BLTP1: variants seen among roughly 807,000 people sequenced by gnomAD.
The protein encoded by BLTP1 is bridge-like lipid transfer protein family member 1.
chr4:122,271,128 C>G, the BLTP1 span: 23 of 1,613,794 alleles, frequency 1.4e-5, no homozygotes, highest in South Asian at 2.3e-4. Context: ...CCTCAGAACT[C>G]TACCAGTGCC....
the BLTP1 span, among the ~76,000 whole-genome samples, chr4:122,240,795 C>T: frequency 6.6e-6 from 1 of 152,002 alleles, no homozygotes; most frequent in Non-Finnish European, 1.5e-5. Context: ...TGGGCATTTC[C>T]GTAATGTATT....
At chr4:122,213,736 G>T in the BLTP1 span, among the ~76,000 whole-genome samples, 3 of 151,904 alleles carry the variant, frequency 2.0e-5, no homozygotes, top group African/African-American at 7.3e-5. Context: ...AATTTATGAG[G>T]ACATGTATGG....
the BLTP1 span, among the ~76,000 whole-genome samples, chr4:122,318,588 T>C: frequency 2.6e-5 from 4 of 152,140 alleles, no homozygotes; most frequent in African/African-American, 9.7e-5. Flanking sequence ...CACTCTTCTT[T>C]TTAGTCTCTA....
the BLTP1 span, chr4:122,312,973 T>A: frequency 5.9e-6 from 4 of 676,240 alleles, no homozygotes; most frequent in Non-Finnish European, 7.3e-6. Flanking sequence ...AAAAGTTGTT[T>A]CAACTTTTAC....
At chr4:122,206,572 A>G in the BLTP1 span, among the ~76,000 whole-genome samples, 1 of 151,956 alleles carries the variant, frequency 6.6e-6, no homozygotes, top group Non-Finnish European at 1.5e-5. Flanking sequence ...AATATATAAT[A>G]CATGATAATA....
the BLTP1 span, chr4:122,336,953 T>C: frequency 1.9e-6 from 3 of 1,612,160 alleles, no homozygotes; most frequent in Non-Finnish European, 2.5e-6. Context: ...ACAACATCAC[T>C]AGTGTCGTCT....
chr4:122,354,052 G>T, the BLTP1 span: 3 of 1,588,490 alleles, frequency 1.9e-6, no homozygotes, highest in South Asian at 1.1e-5. Flanking sequence ...GATTTATTTT[G>T]TTTTTTCCAT....
chr4:122,154,740 C>T, the BLTP1 span, among the ~76,000 whole-genome samples: 4 of 151,938 alleles, frequency 2.6e-5, no homozygotes, highest in Admixed American at 6.6e-5. Flanking sequence ...GACGTGGTGG[C>T]GGGTGCCTGT....
At chr4:122,283,757 G>C in the BLTP1 span, among the ~76,000 whole-genome samples, 1 of 152,112 alleles carries the variant, frequency 6.6e-6, no homozygotes, top group African/African-American at 2.4e-5. Context: ...CGATCCGCCT[G>C]CCTTGGTCTC....
At chr4:122,189,835 G>T in the BLTP1 span, 1 of 927,340 alleles carries the variant, frequency 1.1e-6, no homozygotes, top group Non-Finnish European at 1.3e-6. Flanking sequence ...TAGGATGATT[G>T]TTCATTGGAA....
chr4:122,250,604 G>A, the BLTP1 span: 5 of 1,591,598 alleles, frequency 3.1e-6, no homozygotes, highest in African/African-American at 2.7e-5. Context: ...AATAATAATG[G>A]TGCTTTAGAA....
At chr4:122,217,349 T>C in the BLTP1 span, among the ~76,000 whole-genome samples, 2 of 152,126 alleles carry the variant, frequency 1.3e-5, no homozygotes. Flanking sequence ...TCTTTTTTGG[T>C]TCCATATGAA....
chr4:122,289,918 A>T, the BLTP1 span: 1 of 354,726 alleles, frequency 2.8e-6, no homozygotes, highest in Non-Finnish European at 3.9e-6. Context: ...CATAGGAAAA[A>T]CTACTGTAGT....
At chr4:122,240,511 T>A in the BLTP1 span, among the ~76,000 whole-genome samples, 1 of 152,216 alleles carries the variant, frequency 6.6e-6, no homozygotes, top group East Asian at 1.9e-4. Context: ...ACAGAGTTAT[T>A]GATGAATATT....
At chr4:122,279,572 A>T in the BLTP1 span, 1 of 180,574 alleles carries the variant, frequency 5.5e-6, no homozygotes, top group Non-Finnish European at 1.1e-5. Flanking sequence ...GATCATGTTC[A>T]CATGTTTCAA....
chr4:122,218,374 G>A, the BLTP1 span, among the ~76,000 whole-genome samples: 1 of 152,128 alleles, frequency 6.6e-6, no homozygotes, highest in Admixed American at 6.5e-5. Context: ...TAATTAGGAG[G>A]TGGACAGCAA....
the BLTP1 span, chr4:122,347,762 C>T: frequency 6.2e-7 from 1 of 1,613,322 alleles, no homozygotes; most frequent in Admixed American, 1.7e-5. Context: ...GTATCTGATT[C>T]TTCAGTTCCT....
the BLTP1 span, chr4:122,273,530 G>C: frequency 1.7e-6 from 1 of 602,158 alleles, no homozygotes; most frequent in African/African-American, 2.0e-5. Context: ...TTTAGCCAAA[G>C]TTAAGAATGA....
the BLTP1 span, among the ~76,000 whole-genome samples, chr4:122,332,275 TAAA>T: frequency 8.6e-5 from 13 of 151,824 alleles, no homozygotes; most frequent in Non-Finnish European, 1.5e-5. Flanking sequence ...TATGAGAAAA[TAAA>T]AAAGGTACTA....
Sources: gnomAD v4.1 joint callset for allele counts (sites outside exome capture counted in the v4.1 genomes callset) on GRCh38, gnomAD v4.1.1 for gene constraint, MANE v1.5 for transcripts, NCBI Gene and HGNC (gene_info 2026-07-23, HGNC 2026-07-21) for gene names.